The following PCOLCE variants were observed in gnomAD, a reference collection of about 807,000 sequenced individuals.
PCOLCE encodes procollagen C-endopeptidase enhancer 1.
Under a neutral mutation model 47.2 loss-of-function variants are expected in PCOLCE, and 33 were observed. The observed-to-expected ratio is 0.70, with a 90% CI of 0.53 to 0.93. PCOLCE has a LOEUF of 0.93. Among genes scored for constraint, PCOLCE ranks in the 40% least tolerant of loss-of-function variants. The probability of loss-of-function intolerance (pLI) is 0.00; values close to 1 mark genes in which losing one functional copy is unlikely to be tolerated. For missense variants in PCOLCE, 584 were observed against 585.3 expected (o/e 1.00, Z 0.02); for synonymous variants, 254 against 252.5 (o/e 1.01, Z -0.06).
rs529479367 is a variant in PCOLCE at position 100,606,400 on chromosome 7, C to G, written c.726-16C>G. 6.2e-7 allele frequency: 1 copy of G among 1,603,036 alleles called. No individual in the cohort carries two copies. The highest frequency in any genetic ancestry group is 8.5e-7 in the Non-Finnish European group (1 of 1,170,578). On this transcript the variant is annotated splice_polypyrimidine_tract_variant and intron_variant, in intron 5 of 8. Coordinates refer to ENST00000223061, the MANE Select transcript of PCOLCE (RefSeq NM_002593.4). ...CCGCCCTGACACTTCCCCCAATGCTCGGTGGCCACCTGCAGCTCCATCTCC... is the reference window on the plus strand; with the variant it reads ...CCGCCCTGACACTTCCCCCAATGCTGGGTGGCCACCTGCAGCTCCATCTCC...
rs1255601568 is a variant in PCOLCE at position 100,604,482 on chromosome 7, C to A, written c.463+265C>A. On this transcript the variant is annotated intron_variant, in intron 3 of 8. Coordinates refer to ENST00000223061, the MANE Select transcript of PCOLCE (RefSeq NM_002593.4). This position sits in a 1 kb window ranked among gnomAD's most constrained non-coding sequence, Gnocchi z 6.4. ...GTCACCGACCCGCGGGTGGAATGGG[C>A]GGCCTGGGGTTACTGGGACGGTGAG... 1.7e-6 allele frequency: 1 copy of A among 581,202 alleles called. No individual in the cohort carries two copies. The highest frequency in any genetic ancestry group is 3.1e-6 in the Non-Finnish European group (1 of 325,150). The allele number at this position is 581,202 out of a possible 1,614,324, so 36.0% of individuals were successfully genotyped here.
At chr7:100,602,781 G>C (rs1274586974) in intron 1 of PCOLCE, 15 of 569,240 alleles carry the variant, frequency 2.6e-5, no homozygotes, top group South Asian at 1.5e-4. Context: ...GGTCTCTTAA[G>C]TCTCCCCACC....
chr7:100,607,858 A>G (rs1802744492), intron 8 of PCOLCE, 51 bp downstream of exon 8: 1 of 1,612,502 alleles, frequency 6.2e-7, no homozygotes, highest in African/African-American at 1.3e-5. Context: ...CCACACAGAA[A>G]TGATCAAGGT....
intron 5 of PCOLCE, 53 bp from the exon 6 acceptor site, chr7:100,606,363 T>C (rs1372755562): frequency 7.7e-7 from 1 of 1,296,016 alleles, no homozygotes; most frequent in Non-Finnish European, 1.1e-6. Flanking sequence ...CTGAGAAGAG[T>C]GTGGTGCACG....
intron 2 of PCOLCE, 99 bp from the exon 3 acceptor site, chr7:100,603,860 T>C: frequency 1.4e-6 from 2 of 1,399,490 alleles, no homozygotes; most frequent in African/African-American, 2.8e-5. Flanking sequence ...TCCCATTCAG[T>C]CCGTTTCTGC....
chr7:100,606,205 T>C, intron 5 of PCOLCE: 2 of 567,950 alleles, frequency 3.5e-6, no homozygotes, highest in Non-Finnish European at 6.3e-6. Context: ...GTGGCGTGCC[T>C]GTAGTCCCAG....
rs1432148143 is a variant in PCOLCE at position 100,604,742 on chromosome 7, C to G, written c.464-349C>G. ...GTGCCCCAAGTCGAGGACACCCTCT[C>G]CAGCCTGAAAGGGGACTCTGCTGCA... On this transcript the variant is annotated intron_variant, in intron 3 of 8. Coordinates refer to ENST00000223061, the MANE Select transcript of PCOLCE (RefSeq NM_002593.4). This position sits in a 1 kb window ranked among gnomAD's most constrained non-coding sequence, Gnocchi z 6.4. 2 of 340,564 alleles carry G rather than the reference C, an allele frequency of 5.9e-6. No homozygotes were observed. The highest frequency in any genetic ancestry group is 1.1e-5 in the Non-Finnish European group (2 of 181,732). The allele number at this position is 340,564 out of a possible 1,614,324, so 21.1% of individuals were successfully genotyped here. A position where few individuals can be genotyped will look rare whatever the true frequency, so the allele number is the denominator to read the frequency against.
Position 100,606,558 on chromosome 7 carries a change from A to G in PCOLCE, c.868A>G (p.Thr290Ala), listed in dbSNP as rs1334386393. ...EGQGPGPKRG[T>A]EPKVKLPPKS... is the part of the protein sequence containing the mutation. ...GCAAGGGCCCGGCCCCAAACGGGGA[A>G]CTGAGCCTAAAGTCAAGCTGCCCCC... is the stretch of plus-strand genomic sequence containing the variant. Residue 290 changes from threonine to alanine, a missense_variant, in exon 6 of 9, where the codon ACT becomes GCT. By Grantham distance (58) the Thr-to-Ala change is moderately conservative. Coordinates refer to ENST00000223061, the MANE Select transcript of PCOLCE (RefSeq NM_002593.4). The G allele has an allele frequency of 6.2e-7, 1 of 1,614,086 alleles. No individual in the cohort carries two copies. Among genetic ancestry groups the G allele is most frequent in the African/African-American group, 1.3e-5 (1 of 74,956 alleles).
chr7:100,606,625 C>G lies in PCOLCE; in HGVS notation c.935C>G (p.Ala312Gly). The G allele has an allele frequency of 1.2e-6, 2 of 1,604,480 alleles. No homozygotes were observed. Among genetic ancestry groups the G allele is most frequent in the Non-Finnish European group, 1.7e-6 (2 of 1,173,250 alleles). ...PPEKTEESPS[A>G]PDAPTCPKQC... ...GAGAAAACAGAGGAATCTCCTTCAG[C>G]CCCTGGTGAGTCTGGGATAGGGGAG... is the stretch of plus-strand genomic sequence containing the variant. Residue 312 changes from alanine to glycine, a missense_variant, in exon 6 of 9, where the codon GCC becomes GGC. Ala to Gly is a moderately conservative substitution (Grantham distance 60). Transcript: ENST00000223061.
At chr7:100,606,699 G>A in intron 6 of PCOLCE, 69 bp downstream of exon 6, 1 of 1,234,616 alleles carries the variant, frequency 8.1e-7, no homozygotes, top group East Asian at 2.5e-5. Context: ...TCTGACCTGG[G>A]CTGTGGCTCA....
chr7:100,607,311 C>CCTGAAGTTTTACGTGCCTTGCAAGCAG, intron 6 of PCOLCE, 141 bp from the exon 7 acceptor site: 1 of 674,684 alleles, frequency 1.5e-6, no homozygotes, highest in Non-Finnish European at 2.7e-6. Flanking sequence ...CTGGTGCCTC[C>CCTGAAGTTTTACGTGCCTTGCAAGCAG]TTCCTGCCGA....
At chr7:100,603,607 A>ACCCCCCCCCCCTCCCCCCCCCCCCCACC in intron 2 of PCOLCE, 69 bp downstream of exon 2, 1 of 543,272 alleles carries the variant, frequency 1.8e-6, no homozygotes, top group Non-Finnish European at 3.2e-6. Flanking sequence ...CTGCGAAGGG[A>ACCCCCCCCCCCTCCCCCCCCCCCCCACC]CCCCCCCCCC....
rs1802707562 is a variant in PCOLCE, at chr7:100,605,887, G to A, written c.725+75G>A. Reference sequence around the variant, plus strand: ...GCACGCGGCTGTTTGGAGGGGCGGGGTTCAGCTAAAGGGACGGGATCTGAA... The same window carrying A: ...GCACGCGGCTGTTTGGAGGGGCGGGATTCAGCTAAAGGGACGGGATCTGAA... On this transcript the variant is annotated intron_variant, in intron 5 of 8. Coordinates refer to ENST00000223061, the MANE Select transcript of PCOLCE (RefSeq NM_002593.4). The surrounding 1 kb of genome is among the most constrained non-coding windows in gnomAD (Gnocchi z 6.1). 2 of 1,477,820 alleles carry A rather than the reference G, an allele frequency of 1.4e-6. No individual in the cohort carries two copies. Among genetic ancestry groups the A allele is most frequent in the East Asian group, 5.0e-5 (2 of 40,288 alleles). 91.5% of individuals were successfully genotyped at this position (1,477,820 alleles called of 1,614,324 possible).
Position 100,604,596 on chromosome 7 carries a change from CG to C in PCOLCE, c.463+385del. 5 of 361,634 alleles carry C rather than the reference CG, an allele frequency of 1.4e-5. No individual in the cohort carries two copies. Among genetic ancestry groups the C allele is most frequent in the Non-Finnish European group, 2.1e-5 (4 of 191,014 alleles). 22.4% of individuals were successfully genotyped at this position (361,634 alleles called of 1,614,324 possible). A position where few individuals can be genotyped will look rare whatever the true frequency, so the allele number is the denominator to read the frequency against. On this transcript the variant is annotated intron_variant, in intron 3 of 8. Coordinates refer to ENST00000223061, the MANE Select transcript of PCOLCE (RefSeq NM_002593.4). This position sits in a 1 kb window ranked among gnomAD's most constrained non-coding sequence, Gnocchi z 6.4. Reference sequence around the variant, plus strand: ...TGGGGGGACTAGGTTCCTCCAACCCCGGGGGGCCCCTACACCCAGCCCTGGG... The same window carrying C: ...TGGGGGGACTAGGTTCCTCCAACCCCGGGGGCCCCTACACCCAGCCCTGGG...
chr7:100,603,143 G>A, intron 1 of PCOLCE: 2 of 342,482 alleles, frequency 5.8e-6, no homozygotes, highest in Non-Finnish European at 1.1e-5. Flanking sequence ...CTGGAAGGGG[G>A]GCCGAGGAGG....
Position 100,607,638 on chromosome 7 carries a change from G to A in PCOLCE, c.1014G>A (p.Val338=), listed in dbSNP as rs146209978. 3,543 of 1,613,946 alleles carry A rather than the reference G, an allele frequency of 2.2e-3. 85 individuals carry two copies. The South Asian group carries it at 0.036, about 16-fold the overall frequency. The change falls in exon 8 of 9, where the codon GTG becomes GTA. Residue 338 remains valine (V), a splice_region_variant and synonymous_variant. Transcript: ENST00000223061. Reference sequence around the variant, plus strand: ...TCTCTCACTCCCATTCTCCCACAGTGGTGACTGCGACAGTGAAGTCCATGG... The same window carrying A: ...TCTCTCACTCCCATTCTCCCACAGTAGTGACTGCGACAGTGAAGTCCATGG... The part of the protein sequence containing the change: ...LQSNFCASSL[V]VTATVKSMVR...
At position 100,605,613 on chromosome 7, in the gene PCOLCE, G is replaced by A; in HGVS notation, c.589-63G>A. 2 of 1,528,948 alleles carry A rather than the reference G, an allele frequency of 1.3e-6. No homozygotes were observed. Among genetic ancestry groups the A allele is most frequent in the South Asian group, 2.4e-5 (2 of 81,786 alleles). 94.7% of individuals were successfully genotyped at this position (1,528,948 alleles called of 1,614,324 possible). ...GGGAGCTGCTGCAGGCACCCAGTAG[G>A]AGATGAGGTGCAGGCGCCCAGGGGT... is the stretch of plus-strand genomic sequence containing the variant. On this transcript the variant is annotated intron_variant, in intron 4 of 8. Transcript: ENST00000223061. This position sits in a 1 kb window ranked among gnomAD's most constrained non-coding sequence, Gnocchi z 6.1.
rs1157878717 is a variant in PCOLCE, at chr7:100,604,238, G to T, written c.463+21G>T. On this transcript the variant is annotated intron_variant, in intron 3 of 8. Coordinates refer to ENST00000223061, the MANE Select transcript of PCOLCE (RefSeq NM_002593.4). This position sits in a 1 kb window ranked among gnomAD's most constrained non-coding sequence, Gnocchi z 6.4. ...CACTGGTGAGAACTCCCTCACCTCCGCCTTCCCCCCCTCCAGGCCCCGCCC... is the reference window on the plus strand; with the variant it reads ...CACTGGTGAGAACTCCCTCACCTCCTCCTTCCCCCCCTCCAGGCCCCGCCC... The T allele has an allele frequency of 3.8e-6, 6 of 1,598,184 alleles. No homozygotes were observed. Among genetic ancestry groups the T allele is most frequent in the Non-Finnish European group, 3.4e-6 (4 of 1,174,792 alleles).
At chr7:100,606,390 C>T in intron 5 of PCOLCE, 26 bp from the exon 6 acceptor site, 1 of 1,578,734 alleles carries the variant, frequency 6.3e-7, no homozygotes, top group Non-Finnish European at 8.7e-7. Flanking sequence ...CTGACACTTC[C>T]CCCAATGCTC....
Sources: gnomAD v4.1 joint callset for allele counts on GRCh38, gnomAD v4.1.1 for gene constraint, Gnocchi (gnomAD v3.1) non-coding constraint, MANE v1.5 for transcripts, NCBI Gene and HGNC (gene_info 2026-07-23, HGNC 2026-07-21) for gene names.